The following HAS3 variants were observed in gnomAD, a reference collection of about 807,000 sequenced individuals.
HAS3 encodes the protein HA synthase 3.
In HAS3, 27 loss-of-function variants were observed where a neutral mutation model predicts 50.3. The observed-to-expected ratio is 0.54, with a 90% CI of 0.40 to 0.74. HAS3 has a LOEUF of 0.74. Ranked by LOEUF, HAS3 falls within the 30% of genes least tolerant of loss-of-function variation. The pLI, the probability that HAS3 is intolerant of heterozygous loss-of-function variation, is 0.00. For missense variants in HAS3, 517 were observed against 742.8 expected, an observed-to-expected ratio of 0.70 and a Z score of 3.53; for synonymous variants, 339 against 310.9, an observed-to-expected ratio of 1.09 and a Z score of -0.95.
chr16:69,108,396 A>ACTT (rs1960881455), intron 1 of HAS3, among the ~76,000 whole-genome samples: 1 of 152,202 alleles, frequency 6.6e-6, no homozygotes, highest in Non-Finnish European at 1.5e-5. Context: ...CAGGAGGCAG[A>ACTT]AGTGCTGTCT....
upstream of HAS3, among the ~76,000 whole-genome samples, chr16:69,104,982 CTG>C (rs1960747151): frequency 9.5e-6 from 1 of 105,010 alleles, no homozygotes; most frequent in South Asian, 3.3e-4. Flanking sequence ...CAGGTAAACT[CTG>C]TTTTTTGGTT....
At position 69,116,639 on chromosome 16, in the gene HAS3, A is replaced by G. The variant is rs1961195934; in HGVS notation, c.*1373A>G. 1 of 985,338 alleles carries G rather than the reference A, an allele frequency of 1.0e-6. No individual in the cohort carries two copies. Among genetic ancestry groups the G allele is most frequent in the Non-Finnish European group, 1.2e-6 (1 of 829,792 alleles). 61.0% of individuals were successfully genotyped at this position (985,338 alleles called of 1,614,324 possible). A position where few individuals can be genotyped will look rare whatever the true frequency, so the allele number is the denominator to read the frequency against. ...AAACTAGGAGATGAAACTGGTTCCTACATCCTAAGGTTCTTGCTTTCTCTC... is the reference window on the plus strand; with the variant it reads ...AAACTAGGAGATGAAACTGGTTCCTGCATCCTAAGGTTCTTGCTTTCTCTC... On this transcript the variant is annotated 3_prime_UTR_variant, in exon 4 of 4. Transcript: ENST00000569188.
At chr16:69,110,579 C>T (rs867352951) in intron 2 of HAS3, among the ~76,000 whole-genome samples, 28 of 152,126 alleles carry the variant, frequency 1.8e-4, no homozygotes, top group African/African-American at 6.3e-4. Flanking sequence ...ACCACCGCAC[C>T]CAGCTCCATG....
At chr16:69,092,496 G>A in the HAS3 span, among the ~76,000 whole-genome samples, 1 of 151,614 alleles carries the variant, frequency 6.6e-6, no homozygotes, top group Non-Finnish European at 1.5e-5. Context: ...CCAGCTACTC[G>A]GGAGGCTGAG....
Position 69,110,029 on chromosome 16 carries a change from C to T in HAS3, c.634C>T (p.Gln212Ter). ...KALGDSVDYI[Q>*]VCDSDTVLDP... ...CCTCGGCGATTCGGTGGACTACATC[C>T]AGGTAAGGGCGCCTCCCTAGGAGCG... Residue 212 changes from glutamine to a stop codon, truncating the protein, a stop_gained and splice_region_variant, in exon 2 of 4, where the codon CAG becomes TAG. Transcript: ENST00000569188. LOFTEE classifies it high-confidence loss of function. 1 of 1,602,908 alleles carries T rather than the reference C, an allele frequency of 6.2e-7. No individual in the cohort carries two copies.
At chr16:69,096,500 A>G in the HAS3 span, among the ~76,000 whole-genome samples, 6 of 119,752 alleles carry the variant, frequency 5.0e-5, no homozygotes, top group East Asian at 1.8e-3. Flanking sequence ...CACACCATGC[A>G]TTCCAGTCTG....
At chr16:69,105,584 A>G (rs1318529977), upstream of HAS3, 1 of 152,230 alleles carries the variant, frequency 6.6e-6, no homozygotes, top group East Asian at 1.9e-4. Flanking sequence ...TCAGCGCCCC[A>G]CTGCGGAATT....
At position 69,115,920 on chromosome 16, in the gene HAS3, C is replaced by T. The variant is rs1012325828; in HGVS notation, c.*654C>T. The T allele has an allele frequency of 5.1e-6, 5 of 985,594 alleles. No individual in the cohort carries two copies. The highest frequency in any genetic ancestry group is 6.0e-6 in the Non-Finnish European group (5 of 829,930). The allele number at this position is 985,594 out of a possible 1,614,324, so 61.1% of individuals were successfully genotyped here. A position where few individuals can be genotyped will look rare whatever the true frequency, so the allele number is the denominator to read the frequency against. On this transcript the variant is annotated 3_prime_UTR_variant, in exon 4 of 4. Transcript: ENST00000569188. The stretch of plus-strand genomic sequence containing the variant: ...GCACTGAACTGCTTTTAAAAGTGCA[C>T]ATTAAAAAGGAAAGTTTGCCAGGAG...
upstream of HAS3, among the ~76,000 whole-genome samples, chr16:69,105,008 T>G (rs1193535124): frequency 4.2e-5 from 5 of 118,204 alleles, no homozygotes; most frequent in South Asian, 3.0e-4. Flanking sequence ...TTTTTTTTTT[T>G]TTTTTTTTTT....
intron 1 of HAS3, among the ~76,000 whole-genome samples, chr16:69,108,555 G>C (rs1484112374): frequency 1.3e-5 from 2 of 152,138 alleles, no homozygotes; most frequent in Admixed American, 6.5e-5. Flanking sequence ...GCACAGAGAC[G>C]CATGCTGCAC....
At chr16:69,100,519 G>A in the HAS3 span, among the ~76,000 whole-genome samples, 9 of 152,148 alleles carry the variant, frequency 5.9e-5, no homozygotes, top group African/African-American at 2.2e-4. Context: ...GTGATGGGCT[G>A]GATGCCAGGG....
upstream of HAS3, among the ~76,000 whole-genome samples, chr16:69,101,957 TG>T (rs1376435355): frequency 6.6e-6 from 1 of 152,140 alleles, no homozygotes; most frequent in Non-Finnish European, 1.5e-5. Flanking sequence ...GCTAATTTTT[TG>T]TATCTTTAGC....
intron 2 of HAS3, 76 bp from the exon 3 acceptor site, chr16:69,113,365 C>T: frequency 1.1e-6 from 1 of 922,938 alleles, no homozygotes. Flanking sequence ...AGGCAGTGAG[C>T]AGCCTGGCAG....
chr16:69,091,914 A>G, the HAS3 span, among the ~76,000 whole-genome samples: 1 of 152,164 alleles, frequency 6.6e-6, no homozygotes, highest in Non-Finnish European at 1.5e-5. Flanking sequence ...GATTCAGGAC[A>G]TAAGGTCTGA....
chr16:69,083,767 G>T, the HAS3 span: 1 of 1,315,254 alleles, frequency 7.6e-7, no homozygotes, highest in Non-Finnish European at 1.0e-6. Flanking sequence ...TGGCAGCATG[G>T]CTGACCCTCG....
chr16:69,114,315 G>C lies in HAS3; in HGVS notation c.739-28G>C. On this transcript the variant is annotated intron_variant, in intron 3 of 3. Transcript: ENST00000569188. The surrounding 1 kb of genome is among the most constrained non-coding windows in gnomAD (Gnocchi z 6.4). ...CTGTCCTCCGGACGTGCAACCTTAG[G>C]AGGCCCAGCATCTCTATTCCCTTGC... 1.9e-6 allele frequency: 3 copies of C among 1,561,002 alleles called. No homozygotes were observed. Among genetic ancestry groups the C allele is most frequent in the Non-Finnish European group, 2.6e-6 (3 of 1,158,014 alleles).
chr16:69,089,771 T>C, the HAS3 span, among the ~76,000 whole-genome samples: 2 of 152,222 alleles, frequency 1.3e-5, no homozygotes, highest in Non-Finnish European at 2.9e-5. Flanking sequence ...CATCCCCTGT[T>C]GTCCTCCCCA....
chr16:69,088,499 G>A, the HAS3 span, among the ~76,000 whole-genome samples: 2,099 of 150,560 alleles, frequency 0.014, 19 homozygotes, highest in Non-Finnish European at 0.02. Flanking sequence ...GGCAGAGGTT[G>A]CAGTGAGTGA....
rs768780625 is a variant in HAS3, at chr16:69,109,683, G to A, written c.288G>A (p.Glu96=). The change falls in exon 2 of 4, where the codon GAG becomes GAA. Residue 96 remains glutamate, a synonymous_variant. Coordinates refer to ENST00000569188, the MANE Select transcript of HAS3 (RefSeq NM_001199280.2). This position sits in a 1 kb window ranked among gnomAD's most constrained non-coding sequence, Gnocchi z 5.3. ...CACTGTGCATTGCCGCATACCAGGA[G>A]GACCCTGACTACTTGCGCAAGTGCC... ...SVALCIAAYQ[E]DPDYLRKCLR... is the part of the protein sequence containing the mutation. 3.1e-6 allele frequency: 5 copies of A among 1,610,248 alleles called. No homozygotes were observed. In the East Asian group the frequency reaches 6.7e-5, roughly 22 times the overall value.
Sources: allele counts gnomAD v4.1 joint callset (sites outside exome capture counted in the v4.1 genomes callset), GRCh38; gene constraint gnomAD v4.1.1; non-coding constraint Gnocchi (gnomAD v3.1); transcripts MANE v1.5; gene names NCBI Gene and HGNC (gene_info 2026-07-23, HGNC 2026-07-21).